Variants in BAIAP2 observed in about 807,000 individuals in gnomAD.
The protein encoded by BAIAP2 is BAR/IMD domain-containing adapter protein 2.
Under a neutral mutation model 63.0 loss-of-function variants are expected in BAIAP2, and 18 were observed. The observed-to-expected ratio is 0.29, with a 90% confidence interval of 0.20 to 0.42. The LOEUF is 0.42. Ranked by LOEUF, BAIAP2 falls within the 10% of genes least tolerant of loss-of-function variation. BAIAP2 has a pLI of 1.00. For missense variants in BAIAP2, 610 were observed against 734.3 expected (o/e 0.83, Z 1.96); for synonymous variants, 386 against 307.6 (o/e 1.25, Z -2.67).
chr17:81,102,777 G>A (rs1450137513), intron 7 of BAIAP2, among the ~76,000 whole-genome samples: 1 of 152,210 alleles, frequency 6.6e-6, no homozygotes, highest in East Asian at 1.9e-4. Flanking sequence ...AGGTGCCAGA[G>A]ACATAGCAGT....
intron 5 of BAIAP2, 36 bp downstream of exon 5, chr17:81,085,761 G>A: frequency 6.4e-7 from 1 of 1,562,928 alleles, no homozygotes; most frequent in Non-Finnish European, 8.8e-7. Context: ...TGGGCCCTGT[G>A]CCTGGGCTCC....
At chr17:81,095,003 G>A (rs906276641) in intron 6 of BAIAP2, among the ~76,000 whole-genome samples, 15 of 152,258 alleles carry the variant, frequency 9.9e-5, no homozygotes, top group African/African-American at 3.1e-4. Context: ...CTGAGTCACC[G>A]CATGCTGCGG....
intron 2 of BAIAP2, chr17:81,057,522 C>A: frequency 2.0e-6 from 1 of 497,114 alleles, no homozygotes; most frequent in Non-Finnish European, 2.7e-6. Flanking sequence ...GTTTCCTTGC[C>A]CAGGGTTGGT....
chr17:81,098,313 C>T, intron 6 of BAIAP2: 1 of 605,592 alleles, frequency 1.7e-6, no homozygotes, highest in South Asian at 7.9e-5. Flanking sequence ...TCGCCACTCT[C>T]TCCCCCAAAC....
At chr17:81,092,941 G>A (rs2057023823) in intron 6 of BAIAP2, among the ~76,000 whole-genome samples, 4 of 152,126 alleles carry the variant, frequency 2.6e-5, no homozygotes, top group Admixed American at 2.6e-4. Flanking sequence ...TGTGTCCACA[G>A]GGCCCGGAAT....
chr17:81,108,530 G>C, intron 13 of BAIAP2, 21 bp downstream of exon 13: 1 of 1,613,844 alleles, frequency 6.2e-7, no homozygotes, highest in Non-Finnish European at 8.5e-7. Flanking sequence ...TTTCAGACCT[G>C]TCTTTGGGAC....
At chr17:81,044,232 G>A (rs544074815) in intron 1 of BAIAP2, among the ~76,000 whole-genome samples, 2 of 152,346 alleles carry the variant, frequency 1.3e-5, no homozygotes, top group South Asian at 2.1e-4. Flanking sequence ...CCGAAAGACC[G>A]GCCAGTGCCT....
intron 3 of BAIAP2, among the ~76,000 whole-genome samples, chr17:81,058,420 T>C (rs532286977): frequency 1.3e-5 from 2 of 152,346 alleles, no homozygotes; most frequent in South Asian, 4.1e-4. Flanking sequence ...GCTTTGTCTG[T>C]GTTTAGCAAA....
At chr17:81,090,000 CA>C (rs1309697136) in intron 6 of BAIAP2, among the ~76,000 whole-genome samples, 3 of 152,298 alleles carry the variant, frequency 2.0e-5, no homozygotes, top group South Asian at 4.1e-4. Context: ...TCCCAGGTCC[CA>C]GGGGCCCTGC....
At chr17:81,110,316 G>A (rs879872077) in intron 13 of BAIAP2, 21 of 986,128 alleles carry the variant, frequency 2.1e-5, no homozygotes, top group Non-Finnish European at 2.5e-5. Context: ...CCGCGCCGGC[G>A]TTCCCGCTCC....
chr17:81,057,753 G>T, intron 2 of BAIAP2, 128 bp from the exon 3 acceptor site: 2 of 1,418,996 alleles, frequency 1.4e-6, no homozygotes, highest in Non-Finnish European at 1.8e-6. Context: ...AGCGAGTCGA[G>T]TATTCTCCCA....
chr17:81,093,688 C>T (rs142040418), intron 6 of BAIAP2, among the ~76,000 whole-genome samples: 13 of 152,218 alleles, frequency 8.5e-5, no homozygotes, highest in African/African-American at 2.4e-4. Flanking sequence ...CCTCCGGCTG[C>T]CCCCCATCTC....
In BAIAP2 at chr17:81,108,736, C is replaced by T. The variant is rs945846349; in HGVS notation, c.1535+227C>T. On this transcript the variant is annotated intron_variant, in intron 13 of 13. Coordinates refer to ENST00000428708, the MANE Select transcript of BAIAP2 (RefSeq NM_001144888.2). ...CTCTTTCATCGCATCTGGCCGGCCC[C>T]ATCCATCCCTGTCAGGCAAGGTTGG... 8 of 870,852 alleles carry T rather than the reference C, an allele frequency of 9.2e-6. No individual in the cohort carries two copies. The African/African-American group carries it at 1.0e-4, about 11-fold the overall frequency. 53.9% of individuals were successfully genotyped at this position (870,852 alleles called of 1,614,324 possible).
Position 81,046,296 on chromosome 17 carries a change from A to C in BAIAP2, c.55-7372A>C. On this transcript the variant is annotated intron_variant, in intron 1 of 13. Transcript: ENST00000428708. This position sits in a 1 kb window ranked among gnomAD's most constrained non-coding sequence, Gnocchi z 4.5. ...CCTAAATCCGTGTACATGTGTTTGT[A>C]GTTTGTCTCCGACTCAAACCAAGTA... Among the ~76,000 whole-genome samples the C allele has an allele frequency of 6.6e-6, 1 of 152,028 alleles. No individual in the cohort carries two copies. The highest frequency in any genetic ancestry group is 1.5e-5 in the Non-Finnish European group (1 of 67,992).
At chr17:81,053,470 C>T (rs2048995081) in intron 1 of BAIAP2, 198 bp from the exon 2 acceptor site, 3 of 614,040 alleles carry the variant, frequency 4.9e-6, no homozygotes, top group Non-Finnish European at 2.9e-6. Flanking sequence ...AAAACCGAGG[C>T]TCAGGAAGGT....
At chr17:81,108,268 A>C (rs2059415113) in intron 12 of BAIAP2, 1 of 605,516 alleles carries the variant, frequency 1.7e-6, no homozygotes, top group Non-Finnish European at 2.9e-6. Flanking sequence ...TATCCCCTTT[A>C]ATTTGGGCAG....
rs141061892 is a variant in BAIAP2, at chr17:81,042,288, G to A, written c.54+6980G>A. Among the ~76,000 whole-genome samples, 796 of 150,970 alleles carry A rather than the reference G, an allele frequency of 5.3e-3. 6 individuals are homozygous for A. The highest frequency in any genetic ancestry group is 0.017 in the African/African-American group (719 of 41,200). On this transcript the variant is annotated intron_variant, in intron 1 of 13. Transcript: ENST00000428708. The stretch of plus-strand genomic sequence containing the variant: ...CACCTGAGTAGCTAGGACCACAGGC[G>A]TGCCCCACCTGTGTGCCTGGCTAAT...
intron 1 of BAIAP2, among the ~76,000 whole-genome samples, chr17:81,039,207 T>C (rs1398056118): frequency 6.6e-6 from 1 of 152,212 alleles, no homozygotes; most frequent in Non-Finnish European, 1.5e-5. Context: ...GTGGTCCCCT[T>C]GGTGGGGTGG....
Position 81,106,164 on chromosome 17 carries a change from C to A in BAIAP2, c.1337+18C>A. On this transcript the variant is annotated intron_variant, in intron 11 of 13. Transcript: ENST00000428708. ...CACATGAGGTGAGCTCTGGGCCCAA[C>A]GGGAGTGTAAGATCCCCAGCTCGGG... 1 of 1,567,108 alleles carries A rather than the reference C, an allele frequency of 6.4e-7. No individual in the cohort carries two copies. The highest frequency in any genetic ancestry group is 8.7e-7 in the Non-Finnish European group (1 of 1,155,594).
Sources: gnomAD v4.1 joint callset for allele counts (sites outside exome capture counted in the v4.1 genomes callset) on GRCh38, gnomAD v4.1.1 for gene constraint, Gnocchi (gnomAD v3.1) non-coding constraint, MANE v1.5 for transcripts, NCBI Gene and HGNC (gene_info 2026-07-23, HGNC 2026-07-21) for gene names.